Variants in PTPRD observed in about 807,000 individuals in gnomAD.
PTPRD encodes the protein protein tyrosine phosphatase receptor type D.
A neutral mutation model predicts 214.5 loss-of-function variants in PTPRD; 34 were observed. The ratio of observed to expected loss-of-function variants is 0.16; its 90% CI spans 0.12 to 0.21. PTPRD has a LOEUF of 0.21. PTPRD is among the 10% of genes least tolerant of loss of function. PTPRD has a pLI of 1.00. For synonymous variants in PTPRD, 1,128 were observed against 845.7 expected, an observed-to-expected ratio of 1.33 and a Z score of -5.79; for missense variants, 2,545 against 2,398.7, an observed-to-expected ratio of 1.06 and a Z score of -1.27.
At chr9:10,143,032 C>A (rs1215194479) in intron 3 of PTPRD, among the ~76,000 whole-genome samples, 1 of 150,968 alleles carries the variant, frequency 6.6e-6, no homozygotes, top group Non-Finnish European at 1.5e-5. Flanking sequence ...GGACAAAAAA[C>A]CAAACACCGC....
intron 5 of PTPRD, among the ~76,000 whole-genome samples, chr9:9,810,361 G>A (rs1487462636): frequency 2.0e-5 from 3 of 151,942 alleles, no homozygotes; most frequent in Non-Finnish European, 4.4e-5. Context: ...AAAAGGAGAC[G>A]TCAATACCTG....
chr9:9,788,602 AG>A (rs1389429442), intron 5 of PTPRD, among the ~76,000 whole-genome samples: 3 of 151,882 alleles, frequency 2.0e-5, no homozygotes, highest in East Asian at 1.9e-4. Flanking sequence ...CAGCTTTCTA[AG>A]GGGTGGTAAT....
chr9:10,367,475 G>C (rs1004765245), intron 2 of PTPRD, among the ~76,000 whole-genome samples: 8 of 152,244 alleles, frequency 5.3e-5, no homozygotes, highest in Admixed American at 4.6e-4. Flanking sequence ...GCTTTGTGGG[G>C]ATACAAGGAA....
intron 11 of PTPRD, among the ~76,000 whole-genome samples, chr9:8,929,689 G>A (rs1053998676): frequency 9.3e-6 from 1 of 107,876 alleles, no homozygotes; most frequent in Non-Finnish European, 2.3e-5. Context: ...TTTTATATAT[G>A]TGTATATATA....
chr9:10,404,320 TAC>T (rs2098325349), intron 2 of PTPRD, among the ~76,000 whole-genome samples: 1 of 151,782 alleles, frequency 6.6e-6, no homozygotes, highest in Non-Finnish European at 1.5e-5. Context: ...TTGTTTAATA[TAC>T]ACATAGGTGA....
At chr9:8,570,161 A>G (rs377091413) in intron 14 of PTPRD, among the ~76,000 whole-genome samples, 159 of 152,242 alleles carry the variant, frequency 1.0e-3, no homozygotes, top group African/African-American at 3.7e-3. Context: ...ATTTGCTAGT[A>G]TATGTGACTT....
chr9:9,559,166 C>G (rs1344331934), intron 8 of PTPRD, among the ~76,000 whole-genome samples: 1 of 152,146 alleles, frequency 6.6e-6, no homozygotes, highest in Non-Finnish European at 1.5e-5. Flanking sequence ...GCTTCCCAGT[C>G]TGGGGCGTGG....
chr9:9,922,471 T>C (rs2082833991), intron 5 of PTPRD, among the ~76,000 whole-genome samples: 1 of 152,018 alleles, frequency 6.6e-6, no homozygotes, highest in Admixed American at 6.6e-5. Flanking sequence ...TTGTGAAATA[T>C]GAATGAAGAG....
intron 7 of PTPRD, among the ~76,000 whole-genome samples, chr9:9,622,283 T>G (rs2095270376): frequency 1.3e-5 from 2 of 152,314 alleles, no homozygotes; most frequent in Non-Finnish European, 2.9e-5. Context: ...CTGCTTTTCC[T>G]ATTTTCTCAC....
At chr9:10,279,926 C>T (rs1431150561) in intron 3 of PTPRD, among the ~76,000 whole-genome samples, 2 of 152,120 alleles carry the variant, frequency 1.3e-5, no homozygotes, top group Admixed American at 6.6e-5. Flanking sequence ...GAATTCCACC[C>T]TATTCACAGT....
At chr9:9,761,292 G>C (rs937094752) in intron 6 of PTPRD, among the ~76,000 whole-genome samples, 1 of 152,010 alleles carries the variant, frequency 6.6e-6, no homozygotes, top group African/African-American at 2.4e-5. Flanking sequence ...AATCCCAAAA[G>C]GTATGATTCC....
intron 4 of PTPRD, among the ~76,000 whole-genome samples, chr9:9,998,241 C>T (rs34546433): frequency 0.072 from 10,887 of 150,682 alleles, 510 homozygotes; most frequent in East Asian, 0.13. Flanking sequence ...GAACTGCCCT[C>T]GGAGGTGGAG....
intron 12 of PTPRD, among the ~76,000 whole-genome samples, chr9:8,727,462 G>C (rs1261318858): frequency 2.0e-5 from 3 of 152,152 alleles, no homozygotes; most frequent in Non-Finnish European, 4.4e-5. Context: ...GGAAGGAAGA[G>C]GGAGTAATTT....
At position 9,035,652 on chromosome 9, in the gene PTPRD, C is replaced by T. The variant is rs565893907; in HGVS notation, c.-142-16917G>A. 2.7e-5 allele frequency among the ~76,000 whole-genome samples: 4 copies of T among 150,628 alleles called. No individual in the cohort carries two copies. In the South Asian group the frequency reaches 8.6e-4, roughly 32 times the overall value. ...AGGTAAAGTTAAGATAGACTTTATG[C>T]CCAATGGTGCTGTCAAGTCCTCTTA... is the stretch of plus-strand genomic sequence containing the variant. On this transcript the variant is annotated intron_variant, in intron 10 of 45. Transcript: ENST00000381196.
intron 9 of PTPRD, among the ~76,000 whole-genome samples, chr9:9,342,571 A>C (rs1365785287): frequency 6.6e-6 from 1 of 152,176 alleles, no homozygotes; most frequent in African/African-American, 2.4e-5. Flanking sequence ...TGTTGCTTAA[A>C]GAAAGTACAG....
chr9:10,181,941 C>CCAAAAAAAAAAA (rs2099292940), intron 3 of PTPRD, among the ~76,000 whole-genome samples: 1 of 40,358 alleles, frequency 2.5e-5, no homozygotes, highest in Admixed American at 3.5e-4. Flanking sequence ...ATCATAAATA[C>CCAAAAAAAAAAA]TAAAAAAAAA....
intron 21 of PTPRD, among the ~76,000 whole-genome samples, chr9:8,516,798 CTTTTTTT>C (rs71500960): frequency 9.3e-6 from 1 of 107,890 alleles, no homozygotes; most frequent in Admixed American, 1.2e-4. Context: ...CAAGAATAAA[CTTTTTTT>C]TTTTTTTTTT....
chr9:8,776,749 G>C (rs928999434), intron 11 of PTPRD, among the ~76,000 whole-genome samples: 11 of 149,116 alleles, frequency 7.4e-5, no homozygotes, highest in African/African-American at 2.7e-4. Context: ...TTTTAGAATA[G>C]GCTATTTTTT....
At chr9:9,579,743 T>C (rs969756579) in intron 7 of PTPRD, among the ~76,000 whole-genome samples, 10 of 152,162 alleles carry the variant, frequency 6.6e-5, no homozygotes, top group Non-Finnish European at 1.0e-4. Flanking sequence ...AAGTATAATT[T>C]GGTTATATGC....
Sources: allele counts gnomAD v4.1 joint callset (sites outside exome capture counted in the v4.1 genomes callset), GRCh38; gene constraint gnomAD v4.1.1; transcripts MANE v1.5; gene names NCBI Gene and HGNC (gene_info 2026-07-23, HGNC 2026-07-21).